The following SAMMSON variants were observed in gnomAD, a reference collection of about 807,000 sequenced individuals.
The protein encoded by SAMMSON is survival associated mitochondrial melanoma specific oncogenic non-coding RNA.
intron 3 of SAMMSON, among the ~76,000 whole-genome samples, chr3:70,017,530 C>T (rs2066991341): frequency 6.6e-6 from 1 of 152,134 alleles, no homozygotes; most frequent in African/African-American, 2.4e-5. Context: ...CATCTGCAAA[C>T]AGGGACAATT....
chr3:70,252,492 T>TA (rs1186644008), intron 6 of SAMMSON, among the ~76,000 whole-genome samples: 6 of 152,122 alleles, frequency 3.9e-5, no homozygotes, highest in African/African-American at 1.2e-4. Context: ...TCAGAGAGAA[T>TA]AATAAGTTAC....
intron 7 of SAMMSON, among the ~76,000 whole-genome samples, chr3:70,296,571 G>A (rs569606068): frequency 6.6e-6 from 1 of 152,186 alleles, no homozygotes; most frequent in African/African-American, 2.4e-5. Flanking sequence ...ATTTCTCTCT[G>A]TGTTTCCAGT....
intron 4 of SAMMSON, among the ~76,000 whole-genome samples, chr3:70,105,041 C>A (rs958864298): frequency 2.0e-5 from 3 of 152,052 alleles, no homozygotes; most frequent in Admixed American, 2.0e-4. Context: ...GCCAAGCACC[C>A]TTTCTCAAGG....
rs34272654 is a variant in SAMMSON at position 70,126,255 on chromosome 3, C to CTTTTTTTTTTTTT, written n.507+54693_507+54705dup. ...ATCGTCTTCAACAGGGTCATCAGAC[C>CTTTTTTTTTTTTT]TTTTTTTTTTTTTTTCAGAGACTGG... On this transcript the variant is annotated intron_variant and non_coding_transcript_variant, in intron 4 of 9. Coordinates refer to ENST00000642114, the Ensembl canonical transcript of SAMMSON. 3 of 851,334 alleles carry CTTTTTTTTTTTTT rather than the reference C, an allele frequency of 3.5e-6. 1 individual carries two copies. Among genetic ancestry groups the CTTTTTTTTTTTTT allele is most frequent in the East Asian group, 5.5e-5 (2 of 36,186 alleles). 52.7% of individuals were successfully genotyped at this position (851,334 alleles called of 1,614,324 possible).
rs554767666 is a variant in SAMMSON, at chr3:70,226,933, T to A, written n.508-22174T>A. ...TGATGAAGCTTTTGATCTTTACCCA[T>A]AGATTTTTTATTTTAGCCTATAGAC... On this transcript the variant is annotated intron_variant and non_coding_transcript_variant, in intron 4 of 9. Coordinates refer to ENST00000642114, the Ensembl canonical transcript of SAMMSON. 2.0e-5 allele frequency among the ~76,000 whole-genome samples: 3 copies of A among 152,184 alleles called. No homozygotes were observed. The South Asian group carries it at 6.2e-4, about 32-fold the overall frequency.
chr3:70,338,883 C>G (rs2106727301), intron 7 of SAMMSON, among the ~76,000 whole-genome samples: 1 of 152,206 alleles, frequency 6.6e-6, no homozygotes, highest in African/African-American at 2.4e-5. Flanking sequence ...ACTTTCTTTG[C>G]AGAATTGGAA....
intron 4 of SAMMSON, chr3:70,197,224 G>C (rs891795502): frequency 5.0e-6 from 2 of 398,148 alleles, no homozygotes; most frequent in Admixed American, 4.4e-5. Context: ...TGGCACATCT[G>C]GGGGCGTCTA....
chr3:70,295,500 C>T (rs944928840), intron 7 of SAMMSON, among the ~76,000 whole-genome samples: 6 of 151,974 alleles, frequency 3.9e-5, no homozygotes, highest in Non-Finnish European at 5.9e-5. Context: ...GCCAGGAGTT[C>T]GAGACTGGCC....
At chr3:70,209,457 A>G (rs72941588) in intron 4 of SAMMSON, among the ~76,000 whole-genome samples, 2,902 of 152,198 alleles carry the variant, frequency 0.019, 86 homozygotes, top group African/African-American at 0.065. Flanking sequence ...ATTGAACTTA[A>G]GCATCACAAA....
intron 3 of SAMMSON, among the ~76,000 whole-genome samples, chr3:70,049,033 T>C (rs1376227316): frequency 6.6e-6 from 1 of 152,180 alleles, no homozygotes; most frequent in Non-Finnish European, 1.5e-5. Flanking sequence ...GCTCTGTATT[T>C]TCTAAGATAA....
chr3:70,144,017 C>T (rs1038634977), intron 4 of SAMMSON, among the ~76,000 whole-genome samples: 4 of 152,072 alleles, frequency 2.6e-5, no homozygotes, highest in Non-Finnish European at 5.9e-5. Context: ...TATCAAAGTA[C>T]ACTTAGATAT....
intron 6 of SAMMSON, among the ~76,000 whole-genome samples, chr3:70,262,939 T>G (rs1281112109): frequency 2.0e-5 from 3 of 152,202 alleles, no homozygotes; most frequent in African/African-American, 4.8e-5. Flanking sequence ...CATTTTCATA[T>G]TCACTGCTCT....
intron 4 of SAMMSON, among the ~76,000 whole-genome samples, chr3:70,091,147 G>A (rs778115586): frequency 2.6e-5 from 4 of 152,166 alleles, no homozygotes; most frequent in African/African-American, 4.8e-5. Flanking sequence ...GACCTAACAC[G>A]TGACCCAAGG....
At chr3:70,372,276 T>C (rs999983729) in intron 9 of SAMMSON, among the ~76,000 whole-genome samples, 1 of 151,836 alleles carries the variant, frequency 6.6e-6, no homozygotes, top group African/African-American at 2.4e-5. Flanking sequence ...TAAGATGGTT[T>C]TGTTTTATTT....
chr3:70,331,455 C>T (rs1478866722), intron 7 of SAMMSON, among the ~76,000 whole-genome samples: 2 of 152,142 alleles, frequency 1.3e-5, no homozygotes, highest in Non-Finnish European at 2.9e-5. Flanking sequence ...GGATTTTCCA[C>T]CCCCACAAAT....
intron 4 of SAMMSON, chr3:70,125,273 T>G (rs1483785095): frequency 7.8e-7 from 1 of 1,287,642 alleles, no homozygotes; most frequent in African/African-American, 1.5e-5. Flanking sequence ...CTACTGTGTT[T>G]CTGATGAAAA....
chr3:69,999,858 G>A (rs1359831937), exon 1 of SAMMSON: 1 of 152,408 alleles, frequency 6.6e-6, no homozygotes, highest in East Asian at 1.9e-4. Flanking sequence ...CCATTGACCA[G>A]CGGGACAAGG....
chr3:70,280,121 G>C (rs568412240), intron 6 of SAMMSON, among the ~76,000 whole-genome samples: 3 of 152,096 alleles, frequency 2.0e-5, no homozygotes, highest in Non-Finnish European at 4.4e-5. Flanking sequence ...GCCTCTTCCA[G>C]CTTCTGGGGG....
intron 9 of SAMMSON, among the ~76,000 whole-genome samples, chr3:70,381,626 A>C (rs1179547737): frequency 6.6e-6 from 1 of 152,134 alleles, no homozygotes; most frequent in Non-Finnish European, 1.5e-5. Flanking sequence ...ACCAAGCTAA[A>C]CCTGAGTCAA....
Sources: gnomAD v4.1 joint callset for allele counts (sites outside exome capture counted in the v4.1 genomes callset) on GRCh38, gnomAD v4.1.1 for gene constraint, MANE v1.5 for transcripts, NCBI Gene and HGNC (gene_info 2026-07-23, HGNC 2026-07-21) for gene names.